Variants in KCNJ6 observed in about 807,000 individuals in gnomAD.
KCNJ6 encodes the protein potassium inwardly rectifying channel subfamily J member 6, also known as G protein-activated inward rectifier potassium channel 2.
In KCNJ6, 9 loss-of-function variants were observed where a neutral mutation model predicts 34.2. That is an observed-to-expected ratio of 0.26 (90% CI 0.16 to 0.46). KCNJ6 has a LOEUF of 0.46. Ranked by LOEUF, KCNJ6 falls within the 20% of genes least tolerant of loss-of-function variation. The pLI is 1.00. For missense variants in KCNJ6, 236 were observed against 531.3 expected (o/e 0.44, Z 5.46); for synonymous variants, 196 against 207.1 (o/e 0.95, Z 0.46).
chr21:37,883,004 G>C (rs1455904288), intron 1 of KCNJ6, among the ~76,000 whole-genome samples: 1 of 152,230 alleles, frequency 6.6e-6, no homozygotes, highest in Non-Finnish European at 1.5e-5. Context: ...TCATGTGCCT[G>C]TGTGTTTGTA....
Position 37,612,448 on chromosome 21 carries a change from C to A in KCNJ6, c.*12711G>T, listed in dbSNP as rs1486946353. The A allele has an allele frequency of 6.6e-6, 1 of 152,114 alleles. No individual in the cohort carries two copies. Among genetic ancestry groups the A allele is most frequent in the Non-Finnish European group, 1.5e-5 (1 of 68,008 alleles). 9.4% of individuals were successfully genotyped at this position (152,114 alleles called of 1,614,324 possible). On this transcript the variant is annotated 3_prime_UTR_variant, in exon 4 of 4. Coordinates refer to ENST00000609713, the MANE Select transcript of KCNJ6 (RefSeq NM_002240.5). ...CCCAGCTTCCTCTGTAGATTAAATACAATCCCAATAAAAATCTCAGCAAGT... is the reference window on the plus strand; with the variant it reads ...CCCAGCTTCCTCTGTAGATTAAATAAAATCCCAATAAAAATCTCAGCAAGT...
At chr21:37,671,447 G>A (rs935414360) in intron 3 of KCNJ6, among the ~76,000 whole-genome samples, 7 of 152,218 alleles carry the variant, frequency 4.6e-5, no homozygotes, top group African/African-American at 1.7e-4. Context: ...CCTTCTGGCT[G>A]CTCATCTGTA....
rs543354018 is a variant in KCNJ6, at chr21:37,617,169, T to A, written c.*7990A>T. The A allele has an allele frequency of 1.1e-5, 1 of 93,876 alleles. No individual in the cohort carries two copies. The highest frequency in any genetic ancestry group is 2.1e-5 in the Non-Finnish European group (1 of 48,398). 5.8% of individuals were successfully genotyped at this position (93,876 alleles called of 1,614,324 possible). A position where few individuals can be genotyped will look rare whatever the true frequency, so the allele number is the denominator to read the frequency against. ...CTTCCTTCCTTCTTTCTTTATCTTTTTTCCTTCCTTCCTTCCTTCCTTCCT... is the reference window on the plus strand; with the variant it reads ...CTTCCTTCCTTCTTTCTTTATCTTTATTCCTTCCTTCCTTCCTTCCTTCCT... On this transcript the variant is annotated 3_prime_UTR_variant, in exon 4 of 4. Transcript: ENST00000609713.
Position 37,617,006 on chromosome 21 carries a change from TTTTCTC to T in KCNJ6, c.*8147_*8152del, listed in dbSNP as rs1375730676. 2.3e-4 allele frequency: 18 copies of T among 77,060 alleles called. No individual in the cohort carries two copies. The highest frequency in any genetic ancestry group is 9.8e-4 in the East Asian group (3 of 3,060). The allele number at this position is 77,060 out of a possible 1,614,324, so 4.8% of individuals were successfully genotyped here. On this transcript the variant is annotated 3_prime_UTR_variant, in exon 4 of 4. Coordinates refer to ENST00000609713, the MANE Select transcript of KCNJ6 (RefSeq NM_002240.5). ...TTTTCTCTTTCTTTCTTTCTCTTTC[TTTTCTC>T]TTTCTTTCTTTCTTTCTTTCTTTCT...
chr21:37,835,751 C>T (rs1276953529), intron 2 of KCNJ6, among the ~76,000 whole-genome samples: 2 of 152,168 alleles, frequency 1.3e-5, no homozygotes, highest in African/African-American at 4.8e-5. Context: ...AGTTTCATTT[C>T]AGTCAGTGGG....
intron 2 of KCNJ6, among the ~76,000 whole-genome samples, chr21:37,757,988 A>G (rs573818673): frequency 6.6e-6 from 1 of 152,326 alleles, no homozygotes; most frequent in South Asian, 2.1e-4. Flanking sequence ...CCTCCTGCGA[A>G]TGGCTTCCTG....
chr21:37,799,274 C>CA (rs1450447241), intron 2 of KCNJ6, among the ~76,000 whole-genome samples: 1 of 152,122 alleles, frequency 6.6e-6, no homozygotes, highest in Non-Finnish European at 1.5e-5. Context: ...AGGATGTTTT[C>CA]AAAAAATCAC....
intron 3 of KCNJ6, among the ~76,000 whole-genome samples, chr21:37,692,942 T>A (rs1459344400): frequency 6.6e-6 from 1 of 152,096 alleles, no homozygotes; most frequent in Non-Finnish European, 1.5e-5. Context: ...TTGACGCAAA[T>A]CTTTATTTGG....
chr21:37,867,046 A>G (rs986235794), intron 1 of KCNJ6, among the ~76,000 whole-genome samples: 6 of 152,212 alleles, frequency 3.9e-5, no homozygotes, highest in African/African-American at 1.2e-4. Flanking sequence ...TGGATGCTCA[A>G]ATAATATCCC....
intron 2 of KCNJ6, among the ~76,000 whole-genome samples, chr21:37,803,908 G>A (rs75577279): frequency 0.036 from 5,440 of 152,174 alleles, 328 homozygotes; most frequent in African/African-American, 0.12. Flanking sequence ...CAGAAGGGGC[G>A]TCCTTTTGGG....
chr21:37,657,295 C>T (rs550360997), intron 3 of KCNJ6, among the ~76,000 whole-genome samples: 5 of 152,284 alleles, frequency 3.3e-5, no homozygotes, highest in South Asian at 4.1e-4. Flanking sequence ...AACCTACACA[C>T]GTCACCAATG....
At chr21:37,850,544 T>C (rs1326279546) in intron 1 of KCNJ6, among the ~76,000 whole-genome samples, 1 of 152,066 alleles carries the variant, frequency 6.6e-6, no homozygotes, top group Non-Finnish European at 1.5e-5. Context: ...ACAGTTTCAC[T>C]CTGAAACCAT....
At chr21:37,797,616 T>C (rs1006803390) in intron 2 of KCNJ6, among the ~76,000 whole-genome samples, 7 of 152,120 alleles carry the variant, frequency 4.6e-5, no homozygotes, top group African/African-American at 1.7e-4. Flanking sequence ...TTTTTTTTTT[T>C]CTAACCAGTC....
intron 1 of KCNJ6, among the ~76,000 whole-genome samples, chr21:37,891,880 C>G (rs1483117615): frequency 6.6e-6 from 1 of 151,730 alleles, no homozygotes; most frequent in African/African-American, 2.4e-5. Flanking sequence ...TGGTGCTGGG[C>G]TGGGTGTGGG....
intron 2 of KCNJ6, among the ~76,000 whole-genome samples, chr21:37,797,354 TTG>T (rs1450946386): frequency 6.6e-6 from 1 of 152,194 alleles, no homozygotes; most frequent in Non-Finnish European, 1.5e-5. Context: ...GCCTGGCCTT[TTG>T]TGTCTTTTTG....
chr21:37,757,872 C>T (rs576034345), intron 2 of KCNJ6, among the ~76,000 whole-genome samples: 1 of 152,402 alleles, frequency 6.6e-6, no homozygotes, highest in South Asian at 2.1e-4. Flanking sequence ...CCACAAAATG[C>T]TTTCCTTAGC....
chr21:37,778,005 A>G (rs2055150353), intron 2 of KCNJ6, among the ~76,000 whole-genome samples: 1 of 152,186 alleles, frequency 6.6e-6, no homozygotes, highest in Non-Finnish European at 1.5e-5. Flanking sequence ...AGAAGAGGAA[A>G]GTGTTCCTGA....
intron 3 of KCNJ6, among the ~76,000 whole-genome samples, chr21:37,652,031 A>G (rs899003908): frequency 2.0e-4 from 30 of 152,302 alleles, no homozygotes; most frequent in African/African-American, 6.7e-4. Flanking sequence ...TGGAACGTCA[A>G]TGAGAATTGG....
At chr21:37,812,545 A>G (rs2055328044) in intron 2 of KCNJ6, among the ~76,000 whole-genome samples, 4 of 152,222 alleles carry the variant, frequency 2.6e-5, no homozygotes, top group Non-Finnish European at 5.9e-5. Context: ...GTATTCAACA[A>G]CACATTAAAA....
Sources: gnomAD v4.1 joint callset for allele counts (sites outside exome capture counted in the v4.1 genomes callset) on GRCh38, gnomAD v4.1.1 for gene constraint, MANE v1.5 for transcripts, NCBI Gene and HGNC (gene_info 2026-07-23, HGNC 2026-07-21) for gene names.